Variants in AGBL4 observed in about 807,000 individuals in gnomAD.
AGBL4 encodes the protein cytosolic carboxypeptidase 6.
In AGBL4, 58 loss-of-function variants were observed where a neutral mutation model predicts 66.4. The ratio of observed to expected loss-of-function variants is 0.87; its 90% CI spans 0.71 to 1.09. The LOEUF is 1.09. Ranked by LOEUF, AGBL4 falls within the 50% of genes least tolerant of loss-of-function variation. AGBL4 has a pLI of 0.00. For synonymous variants in AGBL4, 234 were observed against 222.9 expected (o/e 1.05, Z -0.44); for missense variants, 579 against 631.0 (o/e 0.92, Z 0.88).
intron 6 of AGBL4, among the ~76,000 whole-genome samples, chr1:48,758,707 G>A (rs549343413): frequency 6.6e-6 from 1 of 152,340 alleles, no homozygotes; most frequent in Admixed American, 6.5e-5. Flanking sequence ...TGAGGCTGCT[G>A]CATACATAAG....
At chr1:48,985,672 TC>T (rs1390152473) in intron 5 of AGBL4, among the ~76,000 whole-genome samples, 1 of 151,970 alleles carries the variant, frequency 6.6e-6, no homozygotes, top group Non-Finnish European at 1.5e-5. Flanking sequence ...CATAACTGCA[TC>T]CCAGAATGAA....
chr1:49,754,619 T>C (rs948980361), intron 2 of AGBL4, among the ~76,000 whole-genome samples: 1 of 152,142 alleles, frequency 6.6e-6, no homozygotes, highest in African/African-American at 2.4e-5. Context: ...CTGTATGAAG[T>C]GTCTGTCAAC....
At chr1:49,800,411 T>A (rs1348837096) in intron 2 of AGBL4, among the ~76,000 whole-genome samples, 24 of 147,104 alleles carry the variant, frequency 1.6e-4, no homozygotes, top group African/African-American at 5.8e-4. Context: ...CATGTGCACA[T>A]TGTGCAGGTT....
At chr1:49,231,423 T>TA (rs1338619988) in intron 4 of AGBL4, among the ~76,000 whole-genome samples, 1 of 152,136 alleles carries the variant, frequency 6.6e-6, no homozygotes, top group East Asian at 1.9e-4. Flanking sequence ...TTGCTAGAGA[T>TA]ACTGTTTTTC....
intron 4 of AGBL4, among the ~76,000 whole-genome samples, chr1:49,180,145 G>A (rs1249334600): frequency 2.0e-5 from 3 of 152,062 alleles, no homozygotes; most frequent in Non-Finnish European, 2.9e-5. Flanking sequence ...TGATCCGCCC[G>A]CCTCAGCCTC....
Position 49,229,535 on chromosome 1 carries a change from T to G in AGBL4, c.377+16235A>C, listed in dbSNP as rs139680150. 3.7e-3 allele frequency among the ~76,000 whole-genome samples: 565 copies of G among 152,220 alleles called. 3 individuals carry two copies. The highest frequency in any genetic ancestry group is 0.012 in the African/African-American group (512 of 41,522). On this transcript the variant is annotated intron_variant, in intron 4 of 13. Coordinates refer to ENST00000371839, the MANE Select transcript of AGBL4 (RefSeq NM_032785.4). The stretch of plus-strand genomic sequence containing the variant: ...GCATATTTATCAGCAAATGTTCAGC[T>G]CCAGAAATAGCCTGAAATTAGGGTA...
intron 3 of AGBL4, among the ~76,000 whole-genome samples, chr1:49,410,115 T>C (rs1645286324): frequency 6.6e-6 from 1 of 152,112 alleles, no homozygotes; most frequent in Admixed American, 6.5e-5. Context: ...TGAACCCAAA[T>C]GTACTTGAAC....
intron 4 of AGBL4, among the ~76,000 whole-genome samples, chr1:49,183,819 T>C (rs548670782): frequency 6.6e-6 from 1 of 152,298 alleles, no homozygotes; most frequent in East Asian, 1.9e-4. Context: ...ACTCAAACAC[T>C]GTCATCTCAA....
At chr1:49,371,056 A>G (rs757125994) in intron 3 of AGBL4, among the ~76,000 whole-genome samples, 3 of 152,144 alleles carry the variant, frequency 2.0e-5, no homozygotes, top group Non-Finnish European at 4.4e-5. Context: ...CATCACCATC[A>G]GCCAGTTTTT....
At chr1:49,079,997 G>T (rs1644780440) in intron 4 of AGBL4, among the ~76,000 whole-genome samples, 1 of 152,256 alleles carries the variant, frequency 6.6e-6, no homozygotes, top group African/African-American at 2.4e-5. Flanking sequence ...AGCATCTATT[G>T]TATGCCAGTA....
chr1:48,727,805 G>A, intron 6 of AGBL4: 1 of 1,343,818 alleles, frequency 7.4e-7, no homozygotes, highest in Non-Finnish European at 1.0e-6. Context: ...TGCACGGTGG[G>A]GTCTGATTTG....
chr1:49,203,182 ATGATATAG>A (rs1647858078), intron 4 of AGBL4, among the ~76,000 whole-genome samples: 1 of 152,052 alleles, frequency 6.6e-6, no homozygotes, highest in Non-Finnish European at 1.5e-5. Context: ...GGACTGTAAA[ATGATATAG>A]CCTCGATAGA....
chr1:49,629,487 G>T (rs1188899712), intron 3 of AGBL4, among the ~76,000 whole-genome samples: 2 of 152,094 alleles, frequency 1.3e-5, no homozygotes, highest in Admixed American at 6.6e-5. Context: ...CAAGTATATT[G>T]ATCTCAATTA....
chr1:49,842,063 T>A (rs1382130107), intron 2 of AGBL4: 1 of 367,182 alleles, frequency 2.7e-6, no homozygotes, highest in African/African-American at 2.2e-5. Context: ...CAGCCTCTAC[T>A]CATGCCTGCC....
At chr1:49,009,617 C>A (rs1313703147) in intron 5 of AGBL4, among the ~76,000 whole-genome samples, 1 of 151,822 alleles carries the variant, frequency 6.6e-6, no homozygotes, top group Non-Finnish European at 1.5e-5. Flanking sequence ...AATATTGATG[C>A]AAAAATCCTC....
intron 4 of AGBL4, among the ~76,000 whole-genome samples, chr1:49,241,340 T>C (rs1432204577): frequency 1.3e-5 from 2 of 152,216 alleles, no homozygotes; most frequent in South Asian, 2.1e-4. Flanking sequence ...CAGAATTTAA[T>C]GCTTCAATTA....
intron 1 of AGBL4, among the ~76,000 whole-genome samples, chr1:49,998,314 G>C (rs1483847447): frequency 6.6e-6 from 1 of 152,062 alleles, no homozygotes; most frequent in African/African-American, 2.4e-5. Flanking sequence ...ACACTTTTAT[G>C]TGTACAAATT....
chr1:48,622,656 G>C (rs1557835008), intron 9 of AGBL4, among the ~76,000 whole-genome samples: 1 of 151,600 alleles, frequency 6.6e-6, no homozygotes, highest in African/African-American at 2.4e-5. Flanking sequence ...GCTAATTTTT[G>C]TATTTTTAGT....
At chr1:49,113,231 T>C (rs1161782458) in intron 4 of AGBL4, among the ~76,000 whole-genome samples, 1 of 152,084 alleles carries the variant, frequency 6.6e-6, no homozygotes, top group Non-Finnish European at 1.5e-5. Flanking sequence ...ATTACAGGCA[T>C]GAGCCACCGC....
Sources: gnomAD v4.1 joint callset for allele counts (sites outside exome capture counted in the v4.1 genomes callset) on GRCh38, gnomAD v4.1.1 for gene constraint, MANE v1.5 for transcripts, NCBI Gene and HGNC (gene_info 2026-07-23, HGNC 2026-07-21) for gene names.